Variants in CNN1 observed in about 807,000 individuals in gnomAD.
The protein encoded by CNN1 is calponin-1.
In CNN1, 21 loss-of-function variants were observed where a neutral mutation model predicts 35.3. The ratio of observed to expected loss-of-function variants is 0.60; its 90% CI spans 0.42 to 0.86. The LOEUF (loss-of-function observed/expected upper bound fraction) is 0.86. Ranked by LOEUF, CNN1 falls within the 40% of genes least tolerant of loss-of-function variation. The probability of loss-of-function intolerance (pLI) is 0.00; values close to 1 mark genes in which losing one functional copy is unlikely to be tolerated. For synonymous variants in CNN1, 164 were observed against 161.8 expected, an observed-to-expected ratio of 1.01 and a Z score of -0.10; for missense variants, 314 against 400.8, an observed-to-expected ratio of 0.78 and a Z score of 1.85.
At position 11,541,080 on chromosome 19, in the gene CNN1, C is replaced by A. The variant is rs1972451778; in HGVS notation, c.68C>A (p.Ala23Asp). 2 of 1,608,090 alleles carry A rather than the reference C, an allele frequency of 1.2e-6. 1 individual carries two copies. Among genetic ancestry groups the A allele is most frequent in the Admixed American group, 3.4e-5 (2 of 59,278 alleles). Residue 23 changes from alanine to aspartate, a missense_variant, in exon 2 of 7, where the codon GCC becomes GAC. Ala to Asp is a moderately radical substitution (Grantham distance 126, BLOSUM62 -2). Transcript: ENST00000252456. Reference protein sequence around the residue: ...GLSAEVKNKLAQKYDHQREQE... With the variant: ...GLSAEVKNKLDQKYDHQREQE... ...CCTGCCCTCCCCTCGCCCCAGCTGG[C>A]CCAGAAGTATGACCACCAGCGGGAG...
In CNN1 at chr19:11,546,846, C is replaced by T; in HGVS notation, c.267C>T (p.Gly89=). 2 of 1,614,240 alleles carry T rather than the reference C, an allele frequency of 1.2e-6. No homozygotes were observed. Among genetic ancestry groups the T allele is most frequent in the Non-Finnish European group, 1.7e-6 (2 of 1,180,048 alleles). ...CCCCCCTCTAGCTGGAGAACATCGGCAACTTCATCAAGGCCATCACCAAGT... is the reference window on the plus strand; with the variant it reads ...CCCCCCTCTAGCTGGAGAACATCGGTAACTTCATCAAGGCCATCACCAAGT... ...TQNWHQLENI[G]NFIKAITKYG... is the part of the protein sequence containing the mutation. The change falls in exon 4 of 7, where the codon GGC becomes GGT. Residue 89 remains glycine, a synonymous_variant. Transcript: ENST00000252456.
At chr19:11,544,456 T>A (rs775663254) in intron 2 of CNN1, among the ~76,000 whole-genome samples, 1 of 151,930 alleles carries the variant, frequency 6.6e-6, no homozygotes, top group Non-Finnish European at 1.5e-5. Flanking sequence ...GAGAGTCAGA[T>A]GGTGGAGGGC....
chr19:11,542,648 T>G (rs1213946623), intron 2 of CNN1, among the ~76,000 whole-genome samples: 1 of 150,824 alleles, frequency 6.6e-6, no homozygotes, highest in Admixed American at 6.6e-5. Context: ...TGATCTTGGC[T>G]CACTGCAAGC....
chr19:11,546,874 G>A lies in CNN1; in HGVS notation c.295G>A (p.Gly99Arg). ...CTTCATCAAGGCCATCACCAAGTAT[G>A]GGGTGAAGCCCCACGACATTTTTGA... ...GNFIKAITKY[G>R]VKPHDIFEAN... The change falls in exon 4 of 7, where the codon GGG becomes AGG. Residue 99 changes from glycine to arginine, a missense_variant. Gly to Arg is a moderately radical substitution (Grantham distance 125). Coordinates refer to ENST00000252456, the MANE Select transcript of CNN1 (RefSeq NM_001299.6). 6.2e-7 allele frequency: 1 copy of A among 1,614,244 alleles called. No individual in the cohort carries two copies. The highest frequency in any genetic ancestry group is 8.5e-7 in the Non-Finnish European group (1 of 1,180,046).
At position 11,549,729 on chromosome 19, in the gene CNN1, C is replaced by T. The variant is rs376321693; in HGVS notation, c.828C>T (p.Pro276=). 32 of 1,614,084 alleles carry T rather than the reference C, an allele frequency of 2.0e-5. No individual in the cohort carries two copies. The highest frequency in any genetic ancestry group is 4.0e-5 in the African/African-American group (3 of 74,954). ...QVYDPKYCLT[P]EYPELGEPAH... ...ACGACCCCAAGTACTGTCTGACTCC[C>T]GAGTACCCAGAGCTGGGTGAGCCCG... Residue 276 remains proline, a synonymous_variant, in exon 7 of 7, where the codon CCC becomes CCT. Transcript: ENST00000252456. This position sits in a 1 kb window ranked among gnomAD's most constrained non-coding sequence, Gnocchi z 5.2.
chr19:11,539,953 G>A, intron 1 of CNN1: 1 of 1,103,636 alleles, frequency 9.1e-7, no homozygotes, highest in East Asian at 1.0e-4. Flanking sequence ...CCCGGGCCAC[G>A]CTATATAAGG....
chr19:11,544,979 A>G (rs1972548393), intron 2 of CNN1, among the ~76,000 whole-genome samples: 1 of 151,842 alleles, frequency 6.6e-6, no homozygotes, highest in Non-Finnish European at 1.5e-5. Flanking sequence ...TGGGCATATC[A>G]CTTGAGGTCA....
At chr19:11,539,844 A>T in intron 1 of CNN1, 1 of 1,176,946 alleles carries the variant, frequency 8.5e-7, no homozygotes, top group South Asian at 1.5e-5. Flanking sequence ...CTCGGGCGAG[A>T]GACAGATCCC....
chr19:11,538,974 C>A lies in CNN1; in HGVS notation c.47C>A (p.Ala16Asp). The change falls in exon 1 of 7, where the codon GCC (alanine) becomes GAC (aspartate). Residue 16 changes from alanine (A) to aspartate (D), a missense_variant. Physicochemically the swap from Ala to Asp is moderately radical, Grantham distance 126. Coordinates refer to ENST00000252456, the MANE Select transcript of CNN1 (RefSeq NM_001299.6). ...CGAGGCCCTGCCTACGGGCTGTCAG[C>A]CGAGGTTAAGAACAAGGTAGGGCTG... ...FNRGPAYGLS[A>D]EVKNKLAQKY... 1 of 1,595,848 alleles carries A rather than the reference C, an allele frequency of 6.3e-7. No individual in the cohort carries two copies. The highest frequency in any genetic ancestry group is 8.5e-7 in the Non-Finnish European group (1 of 1,169,656).
At position 11,550,149 on chromosome 19, in the gene CNN1, G is replaced by A. The variant is rs1165184351; in HGVS notation, c.*354G>A. 2.1e-5 allele frequency: 5 copies of A among 243,084 alleles called. No homozygotes were observed. The highest frequency in any genetic ancestry group is 3.2e-5 in the Non-Finnish European group (4 of 126,714). 15.1% of individuals were successfully genotyped at this position (243,084 alleles called of 1,614,324 possible). Reference sequence around the variant, plus strand: ...AGCCCCCAGAGCCCAGGCTCGGCCTGCCCCCACCCCATTCCCGCAGTGGGA... The same window carrying A: ...AGCCCCCAGAGCCCAGGCTCGGCCTACCCCCACCCCATTCCCGCAGTGGGA... On this transcript the variant is annotated 3_prime_UTR_variant, in exon 7 of 7. Coordinates refer to ENST00000252456, the MANE Select transcript of CNN1 (RefSeq NM_001299.6).
Position 11,546,871 on chromosome 19 carries a change from T to C in CNN1, c.292T>C (p.Tyr98His). The C allele has an allele frequency of 6.2e-7, 1 of 1,614,222 alleles. No homozygotes were observed. Among genetic ancestry groups the C allele is most frequent in the Non-Finnish European group, 8.5e-7 (1 of 1,180,040 alleles). ...CAACTTCATCAAGGCCATCACCAAG[T>C]ATGGGGTGAAGCCCCACGACATTTT... is the stretch of plus-strand genomic sequence containing the variant. ...IGNFIKAITK[Y>H]GVKPHDIFEA... is the part of the protein sequence containing the mutation. The change falls in exon 4 of 7, where the codon TAT (tyrosine) becomes CAT (histidine). Residue 98 changes from tyrosine to histidine, a missense_variant. Transcript: ENST00000252456.
At position 11,546,885 on chromosome 19, in the gene CNN1, C is replaced by G. The variant is rs1288377924; in HGVS notation, c.306C>G (p.Pro102=). ...CCATCACCAAGTATGGGGTGAAGCC[C>G]CACGACATTTTTGAGGCCAACGACC... ...IKAITKYGVK[P]HDIFEANDLF... is the part of the protein sequence containing the mutation. The change falls in exon 4 of 7, where the codon CCC becomes CCG. Residue 102 remains proline, a synonymous_variant. Coordinates refer to ENST00000252456, the MANE Select transcript of CNN1 (RefSeq NM_001299.6). 1.2e-6 allele frequency: 2 copies of G among 1,614,262 alleles called. No homozygotes were observed. Among genetic ancestry groups the G allele is most frequent in the Admixed American group, 3.3e-5 (2 of 60,028 alleles).
At chr19:11,541,008 G>A in intron 1 of CNN1, 68 bp from the exon 2 acceptor site, 2 of 1,487,048 alleles carry the variant, frequency 1.3e-6, no homozygotes, top group Admixed American at 2.3e-5. Flanking sequence ...CAGGACCCAG[G>A]GAGCCCAGGC....
chr19:11,539,872 C>A (rs553191719), intron 1 of CNN1: 1 of 1,163,984 alleles, frequency 8.6e-7, no homozygotes, highest in African/African-American at 1.7e-5. Flanking sequence ...CCCTCCTCCC[C>A]CCCAGCGCCG....
intron 2 of CNN1, among the ~76,000 whole-genome samples, chr19:11,541,765 T>A (rs1281465712): frequency 6.6e-6 from 1 of 152,054 alleles, no homozygotes; most frequent in Non-Finnish European, 1.5e-5. Context: ...ATTTTTGTAT[T>A]TTTTTAAAGT....
At position 11,550,011 on chromosome 19, in the gene CNN1, T is replaced by C. The variant is rs1260957744; in HGVS notation, c.*216T>C. 4.7e-5 allele frequency: 29 copies of C among 611,230 alleles called. No individual in the cohort carries two copies. Among genetic ancestry groups the C allele is most frequent in the Non-Finnish European group, 6.7e-5 (25 of 374,602 alleles). The allele number at this position is 611,230 out of a possible 1,614,324, so 37.9% of individuals were successfully genotyped here. ...CTCTGTAGTGCTACAGGGTCCAACATAGAGCCGGGTGTCCCCAACAGCGCC... is the reference window on the plus strand; with the variant it reads ...CTCTGTAGTGCTACAGGGTCCAACACAGAGCCGGGTGTCCCCAACAGCGCC... On this transcript the variant is annotated 3_prime_UTR_variant, in exon 7 of 7. Coordinates refer to ENST00000252456, the MANE Select transcript of CNN1 (RefSeq NM_001299.6).
intron 5 of CNN1, among the ~76,000 whole-genome samples, chr19:11,548,741 G>C (rs1321895562): frequency 6.6e-6 from 1 of 152,076 alleles, no homozygotes. Context: ...GGAGGCTGAG[G>C]CAGGAGAATT....
chr19:11,541,006 A>G (rs1345232985), intron 1 of CNN1, 70 bp from the exon 2 acceptor site: 6 of 1,479,584 alleles, frequency 4.1e-6, no homozygotes, highest in Non-Finnish European at 5.4e-6. Flanking sequence ...GACAGGACCC[A>G]GGGAGCCCAG....
intron 2 of CNN1, 66 bp downstream of exon 2, chr19:11,541,263 C>T (rs1348078211): frequency 6.8e-7 from 1 of 1,474,430 alleles, no homozygotes; most frequent in Non-Finnish European, 9.0e-7. Context: ...CCTCAACCCC[C>T]AAAACAACCA....
Sources: allele counts gnomAD v4.1 joint callset (sites outside exome capture counted in the v4.1 genomes callset), GRCh38; gene constraint gnomAD v4.1.1; non-coding constraint Gnocchi (gnomAD v3.1); transcripts MANE v1.5; gene names NCBI Gene and HGNC (gene_info 2026-07-23, HGNC 2026-07-21).